PGAP4: variants seen among roughly 807,000 people sequenced by gnomAD.
The protein encoded by PGAP4 is GPI-N-acetylgalactosamine transferase PGAP4.
Under a neutral mutation model 28.2 loss-of-function variants are expected in PGAP4, and 12 were observed. The observed-to-expected ratio is 0.42, with a 90% confidence interval of 0.27 to 0.69. The LOEUF (loss-of-function observed/expected upper bound fraction) is 0.69. Among genes scored for constraint, PGAP4 ranks in the 30% least tolerant of loss-of-function variants. The probability of loss-of-function intolerance (pLI) is 0.22; values close to 1 mark genes in which losing one functional copy is unlikely to be tolerated. For synonymous variants in PGAP4, 205 were observed against 211.8 expected, an observed-to-expected ratio of 0.97 and a Z score of 0.28; for missense variants, 425 against 513.5, an observed-to-expected ratio of 0.83 and a Z score of 1.67.
At chr9:101,508,851 C>T (rs1286938671) in intron 2 of PGAP4, among the ~76,000 whole-genome samples, 2 of 152,078 alleles carry the variant, frequency 1.3e-5, no homozygotes, top group African/African-American at 2.4e-5. Flanking sequence ...CCATGACACC[C>T]GAAATGTGTT....
upstream of PGAP4, among the ~76,000 whole-genome samples, chr9:101,491,942 T>C (rs1826693673): frequency 6.6e-6 from 1 of 150,764 alleles, no homozygotes; most frequent in Non-Finnish European, 1.5e-5. Context: ...TGATGCATTC[T>C]GCAATTGTTG....
At chr9:101,517,865 T>C (rs958850230) in intron 2 of PGAP4, among the ~76,000 whole-genome samples, 3 of 152,208 alleles carry the variant, frequency 2.0e-5, no homozygotes, top group Non-Finnish European at 4.4e-5. Context: ...CTCACTATTT[T>C]ATGTATTTAT....
chr9:101,499,058 T>G (rs1826775593), intron 2 of PGAP4, among the ~76,000 whole-genome samples: 6 of 151,898 alleles, frequency 4.0e-5, no homozygotes. Flanking sequence ...GAATGTAAAT[T>G]CTCTAGAAAG....
intron 2 of PGAP4, among the ~76,000 whole-genome samples, chr9:101,522,243 A>G (rs1235562756): frequency 1.3e-5 from 2 of 152,072 alleles, no homozygotes; most frequent in South Asian, 2.1e-4. Context: ...GTTCCTAGGT[A>G]TAGTTTAAAT....
At position 101,508,529 on chromosome 9, in the gene PGAP4, A is replaced by T. The variant is rs1031227463; in HGVS notation, c.-164-19329T>A. ...CAGGGAGATGCTCTACCCAGCTTTC[A>T]TGCCAAAACTATTACTCCACCCTGT... is the stretch of plus-strand genomic sequence containing the variant. On this transcript the variant is annotated intron_variant, in intron 2 of 3. Coordinates refer to the PGAP4 transcript ENST00000374851. Among the ~76,000 whole-genome samples the T allele has an allele frequency of 5.9e-5, 9 of 152,248 alleles. No homozygotes were observed. In the East Asian group the frequency reaches 1.4e-3, roughly 23 times the overall value.
intron 2 of PGAP4, among the ~76,000 whole-genome samples, chr9:101,498,004 A>T (rs1178733283): frequency 6.6e-6 from 1 of 151,890 alleles, no homozygotes; most frequent in Non-Finnish European, 1.5e-5. Context: ...TATATTTTTG[A>T]CAAAATTGGA....
At chr9:101,481,103 A>G (rs1212346007) in intron 1 of PGAP4, among the ~76,000 whole-genome samples, 1 of 152,212 alleles carries the variant, frequency 6.6e-6, no homozygotes, top group Non-Finnish European at 1.5e-5. Flanking sequence ...CCTGAGCCCC[A>G]GCAGGTCGAG....
intron 2 of PGAP4, among the ~76,000 whole-genome samples, chr9:101,527,954 T>C (rs1827050031): frequency 6.6e-6 from 1 of 152,192 alleles, no homozygotes; most frequent in Admixed American, 6.5e-5. Flanking sequence ...GTGGATTTTC[T>C]TGGAATTCCT....
intron 2 of PGAP4, among the ~76,000 whole-genome samples, chr9:101,506,108 G>T (rs1826846438): frequency 6.6e-6 from 1 of 152,188 alleles, no homozygotes; most frequent in Non-Finnish European, 1.5e-5. Flanking sequence ...TGCCCTCAAA[G>T]ATTTCAAAGG....
At chr9:101,477,357 TAAC>T (rs1826357931) in intron 1 of PGAP4, among the ~76,000 whole-genome samples, 188 bp from the exon 2 acceptor site, 1 of 16,050 alleles carries the variant, frequency 6.2e-5, no homozygotes, top group South Asian at 3.8e-3. Flanking sequence ...TTGTGTCTGC[TAAC>T]AACCTCTGGA....
exon 1 of PGAP4, chr9:101,532,934 G>A (rs116186730): frequency 5.7e-4 from 86 of 152,160 alleles, no homozygotes; most frequent in African/African-American, 1.9e-3. Flanking sequence ...AAGATATAGC[G>A]ATCATTCTTC....
upstream of PGAP4, among the ~76,000 whole-genome samples, chr9:101,491,875 T>C (rs971247987): frequency 2.1e-5 from 3 of 144,830 alleles, no homozygotes; most frequent in Non-Finnish European, 4.5e-5. Flanking sequence ...GGGACAATTT[T>C]TTAGTGGCCC....
chr9:101,501,747 T>G lies in PGAP4; in HGVS notation c.-164-12547A>C, dbSNP rs1826802969. ...AGTTTGTTCCAGGGCTCTGGGTTAT[T>G]CTTTCTGTCCCAACTAACATCTGGA... On this transcript the variant is annotated intron_variant, in intron 2 of 3. Transcript: ENST00000374851. 5.8e-6 allele frequency: 3 copies of G among 519,210 alleles called. No homozygotes were observed. In the Admixed American group the frequency reaches 5.8e-5, roughly 10 times the overall value. 32.2% of individuals were successfully genotyped at this position (519,210 alleles called of 1,614,324 possible).
intron 2 of PGAP4, among the ~76,000 whole-genome samples, chr9:101,519,641 GTATATATATACATACA>G (rs935596545): frequency 3.3e-5 from 5 of 149,556 alleles, no homozygotes; most frequent in African/African-American, 1.2e-4. Context: ...GTATATGTAT[GTATATATATACATACA>G]TATATATATA....
upstream of PGAP4, among the ~76,000 whole-genome samples, chr9:101,490,487 G>A (rs926068168): frequency 6.6e-6 from 1 of 152,304 alleles, no homozygotes; most frequent in East Asian, 1.9e-4. Flanking sequence ...ACTGCGCTCA[G>A]CCCAAACCTT....
intron 2 of PGAP4, among the ~76,000 whole-genome samples, chr9:101,492,265 C>T (rs1826696840): frequency 6.6e-6 from 1 of 151,928 alleles, no homozygotes; most frequent in Non-Finnish European, 1.5e-5. Flanking sequence ...ACGATCTCGG[C>T]TCACTGCAAC....
chr9:101,515,502 G>T (rs1826936172), intron 2 of PGAP4, among the ~76,000 whole-genome samples: 1 of 152,106 alleles, frequency 6.6e-6, no homozygotes, highest in Non-Finnish European at 1.5e-5. Context: ...AGATGTGTAG[G>T]CATGGTAAAA....
intron 2 of PGAP4, among the ~76,000 whole-genome samples, chr9:101,504,127 C>G (rs1255629729): frequency 1.3e-5 from 2 of 148,964 alleles, no homozygotes; most frequent in Admixed American, 6.7e-5. Context: ...GTCCTCTCTA[C>G]TTTATCCCTT....
intron 2 of PGAP4, among the ~76,000 whole-genome samples, chr9:101,524,302 C>T (rs1025010029): frequency 2.0e-5 from 3 of 151,868 alleles, no homozygotes; most frequent in Admixed American, 6.6e-5. Context: ...CCATGCAAAC[C>T]GAAGGGCTGG....
Sources: allele counts gnomAD v4.1 joint callset (sites outside exome capture counted in the v4.1 genomes callset), GRCh38; gene constraint gnomAD v4.1.1; transcripts MANE v1.5; gene names NCBI Gene and HGNC (gene_info 2026-07-23, HGNC 2026-07-21).